Variants in CREM observed in about 807,000 individuals in gnomAD.
CREM encodes cAMP responsive element modulator.
CREM carries 13 observed loss-of-function variants against 37.3 expected under a neutral mutation model. The ratio of observed to expected loss-of-function variants is 0.35; its 90% CI spans 0.23 to 0.55. The LOEUF (loss-of-function observed/expected upper bound fraction) is 0.55, where lower values mean the gene tolerates loss of function less well. Among genes scored for constraint, CREM ranks in the 20% least tolerant of loss-of-function variants. The pLI, the probability that CREM is intolerant of heterozygous loss-of-function variation, is 0.88. For missense variants in CREM, 296 were observed against 362.3 expected, an observed-to-expected ratio of 0.82 and a Z score of 1.49; for synonymous variants, 124 against 120.2, an observed-to-expected ratio of 1.03 and a Z score of -0.21.
intron 6 of CREM, among the ~76,000 whole-genome samples, chr10:35,205,513 A>G (rs1052635604): frequency 6.6e-6 from 1 of 152,170 alleles, no homozygotes; most frequent in Non-Finnish European, 1.5e-5. Flanking sequence ...TGAGAATTGC[A>G]CTTAAAGACA....
At position 35,178,995 on chromosome 10, in the gene CREM, A is replaced by C; in HGVS notation, c.266+9A>C. On this transcript the variant is annotated intron_variant, in intron 4 of 7. Transcript: ENST00000685392. ...CGAAGACCCTCTTATAGGTAAGTTAACCAAGTTTCCTAATGTAAAGATACT... is the reference window on the plus strand; with the variant it reads ...CGAAGACCCTCTTATAGGTAAGTTACCCAAGTTTCCTAATGTAAAGATACT... The C allele has an allele frequency of 6.3e-7, 1 of 1,589,694 alleles. No individual in the cohort carries two copies. The highest frequency in any genetic ancestry group is 1.1e-5 in the South Asian group (1 of 87,170).
At chr10:35,204,257 C>G (rs1028462905) in intron 6 of CREM, among the ~76,000 whole-genome samples, 2 of 152,146 alleles carry the variant, frequency 1.3e-5, no homozygotes, top group Non-Finnish European at 2.9e-5. Flanking sequence ...TGTATAGTCA[C>G]AAAAACAAAT....
chr10:35,211,147 A>C, intron 7 of CREM, 107 bp from the exon 8 acceptor site: 1 of 1,206,634 alleles, frequency 8.3e-7, no homozygotes, highest in Non-Finnish European at 1.2e-6. Context: ...TACAGTCCTT[A>C]CCTAGGATCG....
chr10:35,167,650 C>T (rs1344791056), intron 3 of CREM: 1 of 1,454,420 alleles, frequency 6.9e-7, no homozygotes, highest in Non-Finnish European at 9.6e-7. Context: ...ATTGCAAAGC[C>T]AAATAAGGCT....
chr10:35,147,043 T>TTTTG (rs1476149180), intron 2 of CREM, among the ~76,000 whole-genome samples: 7 of 66,416 alleles, frequency 1.1e-4, no homozygotes, highest in African/African-American at 2.9e-4. Flanking sequence ...TTTTTTGGGT[T>TTTTG]TTTTTTTTTT....
chr10:35,151,503 G>A (rs986285390), intron 3 of CREM, among the ~76,000 whole-genome samples: 1 of 152,184 alleles, frequency 6.6e-6, no homozygotes, highest in Non-Finnish European at 1.5e-5. Context: ...AGCCTCCCGA[G>A]TAGCTGGGAT....
intron 2 of CREM, among the ~76,000 whole-genome samples, chr10:35,139,244 C>G (rs895343741): frequency 6.6e-6 from 1 of 151,854 alleles, no homozygotes; most frequent in Middle Eastern, 3.4e-3. Context: ...CCTCAGCCTC[C>G]GAGTAGCTGG....
At chr10:35,196,865 C>CTTTTTTTTTTTTTT (rs58503822) in intron 6 of CREM, among the ~76,000 whole-genome samples, 4 of 108,940 alleles carry the variant, frequency 3.7e-5, no homozygotes, top group Admixed American at 1.1e-4. Flanking sequence ...ACGCTGTGTA[C>CTTTTTTTTTTTTTT]TTTTTTTTTT....
intron 1 of CREM, among the ~76,000 whole-genome samples, chr10:35,132,713 C>T (rs2089662059): frequency 6.6e-6 from 1 of 152,142 alleles, no homozygotes; most frequent in African/African-American, 2.4e-5. Context: ...TGCTTTCTCC[C>T]ATTGTTTTTC....
chr10:35,164,714 A>G (rs766465776), intron 3 of CREM, among the ~76,000 whole-genome samples: 11 of 152,356 alleles, frequency 7.2e-5, no homozygotes, highest in South Asian at 4.1e-4. Flanking sequence ...TAAAGATGCA[A>G]TTTGGCCTGG....
At chr10:35,195,082 T>C in intron 6 of CREM, 1 of 1,150,094 alleles carries the variant, frequency 8.7e-7, no homozygotes, top group East Asian at 2.5e-5. Flanking sequence ...AGTGATGTCA[T>C]TGTGATGTCA....
At chr10:35,158,798 G>GTGTTTTTTTTTT (rs2093078412) in intron 3 of CREM, among the ~76,000 whole-genome samples, 1 of 100,840 alleles carries the variant, frequency 9.9e-6, no homozygotes, top group African/African-American at 3.5e-5. Flanking sequence ...CAAATATAGT[G>GTGTTTTTTTTTT]TTTTTTTTTT....
intron 3 of CREM, among the ~76,000 whole-genome samples, chr10:35,160,593 C>T (rs1222710432): frequency 6.6e-6 from 1 of 152,114 alleles, no homozygotes; most frequent in Non-Finnish European, 1.5e-5. Flanking sequence ...CTATTGTAGA[C>T]TTGATAAACA....
intron 1 of CREM, among the ~76,000 whole-genome samples, chr10:35,132,386 T>C (rs1428592597): frequency 6.6e-6 from 1 of 152,074 alleles, no homozygotes; most frequent in African/African-American, 2.4e-5. Context: ...ATGTGGGAAA[T>C]GAATTGAAAA....
At position 35,212,507 on chromosome 10, in the gene CREM, C is replaced by T. The variant is rs1159297426; in HGVS notation, c.*1109C>T. The T allele has an allele frequency of 2.0e-5, 3 of 152,736 alleles. No homozygotes were observed. The highest frequency in any genetic ancestry group is 7.2e-5 in the African/African-American group (3 of 41,432). The allele number at this position is 152,736 out of a possible 1,614,324, so 9.5% of individuals were successfully genotyped here. A position where few individuals can be genotyped will look rare whatever the true frequency, so the allele number is the denominator to read the frequency against. Reference sequence around the variant, plus strand: ...TAATATTACCTAATGAAAGTGATGACATATTTTTTATATCTGGAATGAGCC... The same window carrying T: ...TAATATTACCTAATGAAAGTGATGATATATTTTTTATATCTGGAATGAGCC... On this transcript the variant is annotated 3_prime_UTR_variant, in exon 8 of 8. Coordinates refer to ENST00000685392, the MANE Select transcript of CREM (RefSeq NM_183011.2).
At chr10:35,134,398 G>A (rs1353100045) in intron 1 of CREM, among the ~76,000 whole-genome samples, 1 of 152,090 alleles carries the variant, frequency 6.6e-6, no homozygotes, top group East Asian at 1.9e-4. Flanking sequence ...TGTATTTTTA[G>A]TAGAGACAGG....
intron 3 of CREM, among the ~76,000 whole-genome samples, chr10:35,178,683 A>G (rs1273526606): frequency 6.6e-6 from 1 of 152,110 alleles, no homozygotes; most frequent in Non-Finnish European, 1.5e-5. Context: ...CTTTCCACAC[A>G]CATTTGTTTT....
chr10:35,134,065 T>C (rs1374389883), intron 1 of CREM, among the ~76,000 whole-genome samples: 3 of 151,842 alleles, frequency 2.0e-5, no homozygotes, highest in Non-Finnish European at 4.4e-5. Context: ...GTTTTTTTTT[T>C]TTTTTCAAGA....
intron 2 of CREM, 21 bp from the exon 3 acceptor site, chr10:35,148,345 CTT>C: frequency 6.3e-7 from 1 of 1,599,144 alleles, no homozygotes; most frequent in Non-Finnish European, 8.5e-7. Flanking sequence ...CTTAATTTGT[CTT>C]CCTTTTTATT....
Sources: gnomAD v4.1 joint callset for allele counts (sites outside exome capture counted in the v4.1 genomes callset) on GRCh38, gnomAD v4.1.1 for gene constraint, MANE v1.5 for transcripts, NCBI Gene and HGNC (gene_info 2026-07-23, HGNC 2026-07-21) for gene names.